CAMTA1: variants seen among roughly 807,000 people sequenced by gnomAD.
The protein encoded by CAMTA1 is calmodulin-binding transcription activator 1.
Under a neutral mutation model 170.9 loss-of-function variants are expected in CAMTA1, and 27 were observed. The ratio of observed to expected loss-of-function variants is 0.16; its 90% CI spans 0.12 to 0.22. The LOEUF (loss-of-function observed/expected upper bound fraction) is 0.22, where lower values mean the gene tolerates loss of function less well. Among genes scored for constraint, CAMTA1 ranks in the 10% least tolerant of loss-of-function variants. CAMTA1 has a pLI of 1.00. For synonymous variants in CAMTA1, 833 were observed against 891.5 expected (o/e 0.93, Z 1.17); for missense variants, 1,619 against 2,217.2 (o/e 0.73, Z 5.42).
At chr1:7,193,266 T>C (rs1558230177) in intron 4 of CAMTA1, among the ~76,000 whole-genome samples, 1 of 151,484 alleles carries the variant, frequency 6.6e-6, no homozygotes, top group Non-Finnish European at 1.5e-5. Flanking sequence ...GCAGGGAGAA[T>C]TGCTTGAACC....
At chr1:7,648,477 TG>T (rs1233515530) in intron 7 of CAMTA1, among the ~76,000 whole-genome samples, 2 of 149,166 alleles carry the variant, frequency 1.3e-5, no homozygotes, top group Middle Eastern at 3.3e-3. Context: ...CAGTAAGGAG[TG>T]GGGGGATCAG....
chr1:7,226,272 G>A (rs995249013), intron 4 of CAMTA1, among the ~76,000 whole-genome samples: 1 of 151,930 alleles, frequency 6.6e-6, no homozygotes, highest in Non-Finnish European at 1.5e-5. Context: ...CTCATTGCCT[G>A]CCCCTCGTGG....
At chr1:7,470,973 C>T (rs893274048) in intron 6 of CAMTA1, among the ~76,000 whole-genome samples, 1 of 152,210 alleles carries the variant, frequency 6.6e-6, no homozygotes, top group South Asian at 2.1e-4. Context: ...CACCACAGGG[C>T]AGGAGCCAGC....
chr1:7,626,156 C>A (rs1219663169), intron 6 of CAMTA1, among the ~76,000 whole-genome samples: 1 of 152,138 alleles, frequency 6.6e-6, no homozygotes, highest in East Asian at 1.9e-4. Context: ...AACATACAGC[C>A]CAATTTAATC....
chr1:7,309,840 T>C (rs1676189753), intron 5 of CAMTA1, among the ~76,000 whole-genome samples: 1 of 151,940 alleles, frequency 6.6e-6, no homozygotes, highest in Non-Finnish European at 1.5e-5. Flanking sequence ...ATTCCTTTAC[T>C]CCCTCACCCC....
At chr1:6,852,587 T>C (rs1416953761) in intron 3 of CAMTA1, among the ~76,000 whole-genome samples, 3 of 152,198 alleles carry the variant, frequency 2.0e-5, no homozygotes, top group African/African-American at 7.2e-5. Flanking sequence ...TACCTGTTGA[T>C]TATACAGAAT....
intron 11 of CAMTA1, among the ~76,000 whole-genome samples, chr1:7,689,241 T>C (rs1576893376): frequency 7.5e-6 from 1 of 132,520 alleles, no homozygotes; most frequent in South Asian, 2.4e-4. Flanking sequence ...CACTCCAACC[T>C]GGATGACAAA....
intron 6 of CAMTA1, among the ~76,000 whole-genome samples, chr1:7,500,392 C>T (rs558726456): frequency 6.7e-6 from 1 of 148,462 alleles, no homozygotes; most frequent in Non-Finnish European, 1.5e-5. Context: ...CATGTGTGTC[C>T]GTGAGTGAGT....
At chr1:7,097,241 G>C (rs1203113528) in intron 4 of CAMTA1, among the ~76,000 whole-genome samples, 1 of 152,228 alleles carries the variant, frequency 6.6e-6, no homozygotes, top group African/African-American at 2.4e-5. Flanking sequence ...ACAAGGTCAT[G>C]CTGTCCCTTT....
chr1:7,033,588 C>CTTTT lies in CAMTA1; in HGVS notation c.235-57697_235-57694dup, dbSNP rs34282545. ...GTACATGTTTATTCTTGTAAATATT[C>CTTTT]TTTTTTTTTTTTTTTTTTTTTTGAT... On this transcript the variant is annotated intron_variant, in intron 3 of 22. Coordinates refer to ENST00000303635, the MANE Select transcript of CAMTA1 (RefSeq NM_015215.4). Among the ~76,000 whole-genome samples the CTTTT allele has an allele frequency of 1.2e-3, 118 of 95,112 alleles. 2 individuals carry two copies. Among genetic ancestry groups the CTTTT allele is most frequent in the African/African-American group, 2.6e-3 (64 of 24,472 alleles). 62.4% of individuals were successfully genotyped at this position (95,112 alleles called of 152,430 possible). A position where few individuals can be genotyped will look rare whatever the true frequency, so the allele number is the denominator to read the frequency against.
chr1:7,560,469 C>T (rs1443209762), intron 6 of CAMTA1, among the ~76,000 whole-genome samples: 4 of 152,120 alleles, frequency 2.6e-5, no homozygotes, highest in Non-Finnish European at 4.4e-5. Flanking sequence ...TCAGTTTTCT[C>T]CTCTGTGAAA....
intron 5 of CAMTA1, among the ~76,000 whole-genome samples, chr1:7,436,662 C>T (rs1042665848): frequency 6.6e-6 from 1 of 152,190 alleles, no homozygotes; most frequent in Non-Finnish European, 1.5e-5. Context: ...AAGGCTGGTT[C>T]CTGGACTTGC....
chr1:7,274,512 C>G (rs1405015394), intron 5 of CAMTA1, among the ~76,000 whole-genome samples: 1 of 152,120 alleles, frequency 6.6e-6, no homozygotes, highest in Non-Finnish European at 1.5e-5. Context: ...GTGGGAGATT[C>G]TTTTCTCAGT....
At chr1:7,571,229 C>T (rs1219327997) in intron 6 of CAMTA1, among the ~76,000 whole-genome samples, 1 of 152,174 alleles carries the variant, frequency 6.6e-6, no homozygotes, top group Non-Finnish European at 1.5e-5. Flanking sequence ...TCATGGATAA[C>T]CATCTTCTCA....
At chr1:7,168,243 T>C (rs984930663) in intron 4 of CAMTA1, among the ~76,000 whole-genome samples, 2 of 152,246 alleles carry the variant, frequency 1.3e-5, no homozygotes, top group Non-Finnish European at 2.9e-5. Context: ...TGCCTCTAGA[T>C]TCTTTGAATT....
At position 6,954,882 on chromosome 1, in the gene CAMTA1, A is replaced by G. The variant is rs371193495; in HGVS notation, c.234+129672A>G. On this transcript the variant is annotated intron_variant, in intron 3 of 22. Coordinates refer to ENST00000303635, the MANE Select transcript of CAMTA1 (RefSeq NM_015215.4). ...GACGGGCTGGGGAGCAGCCTCGTCT[A>G]TGGTGCAGCCCTCCCCTTCTCAAGA... is the stretch of plus-strand genomic sequence containing the variant. 5.3e-5 allele frequency among the ~76,000 whole-genome samples: 8 copies of G among 152,112 alleles called. No homozygotes were observed. The South Asian group carries it at 8.3e-4, about 16-fold the overall frequency.
At position 7,644,094 on chromosome 1, in the gene CAMTA1, G is replaced by A. The variant is rs572448182; in HGVS notation, c.664+3541G>A. On this transcript the variant is annotated intron_variant, in intron 7 of 22. Coordinates refer to ENST00000303635, the MANE Select transcript of CAMTA1 (RefSeq NM_015215.4). Reference sequence around the variant, plus strand: ...CCTGCCCGCCAGCGGAGTTGTCAGCGGTTTAATCACAATGTCGTGCTCCCC... The same window carrying A: ...CCTGCCCGCCAGCGGAGTTGTCAGCAGTTTAATCACAATGTCGTGCTCCCC... Among the ~76,000 whole-genome samples, 90 of 152,324 alleles carry A rather than the reference G, an allele frequency of 5.9e-4. 2 individuals carry two copies. The South Asian group carries it at 0.018, about 31-fold the overall frequency.
intron 3 of CAMTA1, among the ~76,000 whole-genome samples, chr1:6,956,225 C>T (rs952163071): frequency 2.0e-5 from 3 of 152,138 alleles, no homozygotes; most frequent in African/African-American, 7.2e-5. Context: ...CCTATCAGCA[C>T]CCTAGTTTCT....
At chr1:7,009,574 C>T (rs1449015318) in intron 3 of CAMTA1, among the ~76,000 whole-genome samples, 13 of 152,190 alleles carry the variant, frequency 8.5e-5, no homozygotes, top group Non-Finnish European at 1.6e-4. Flanking sequence ...TGAAGAAGGA[C>T]CACCGCAGCC....
Sources: allele counts gnomAD v4.1 joint callset (sites outside exome capture counted in the v4.1 genomes callset), GRCh38; gene constraint gnomAD v4.1.1; transcripts MANE v1.5; gene names NCBI Gene and HGNC (gene_info 2026-07-23, HGNC 2026-07-21).